PTPRN2: variants seen among roughly 807,000 people sequenced by gnomAD.
PTPRN2 encodes protein tyrosine phosphatase receptor type N2.
In PTPRN2, 74 loss-of-function variants were observed where a neutral mutation model predicts 118.8. The observed-to-expected ratio is 0.62, with a 90% confidence interval of 0.52 to 0.76. The LOEUF (loss-of-function observed/expected upper bound fraction) is 0.76. PTPRN2 is among the 30% of genes least tolerant of loss of function. PTPRN2 has a pLI of 0.00. For synonymous variants in PTPRN2, 641 were observed against 608.0 expected, an observed-to-expected ratio of 1.05 and a Z score of -0.80; for missense variants, 1,481 against 1,394.4, an observed-to-expected ratio of 1.06 and a Z score of -0.99.
At chr7:157,577,769 C>T (rs1368642101) in intron 18 of PTPRN2, among the ~76,000 whole-genome samples, 1 of 152,162 alleles carries the variant, frequency 6.6e-6, no homozygotes, top group East Asian at 1.9e-4. Flanking sequence ...AGCACACAGC[C>T]GTGTGAACCA....
At chr7:157,577,181 A>G (rs1450775826) in intron 18 of PTPRN2, among the ~76,000 whole-genome samples, 1 of 152,192 alleles carries the variant, frequency 6.6e-6, no homozygotes, top group East Asian at 1.9e-4. Context: ...GTTCCACTCT[A>G]AGTGAGACTC....
intron 12 of PTPRN2, among the ~76,000 whole-genome samples, chr7:157,892,002 G>A (rs1340172451): frequency 6.6e-6 from 1 of 152,200 alleles, no homozygotes; most frequent in Non-Finnish European, 1.5e-5. Flanking sequence ...GCTCTGCTGA[G>A]ACTCAGGGTC....
At chr7:157,548,054 A>G (rs1249375814) in intron 22 of PTPRN2, among the ~76,000 whole-genome samples, 1 of 152,048 alleles carries the variant, frequency 6.6e-6, no homozygotes, top group Non-Finnish European at 1.5e-5. Context: ...ACATTTGGGG[A>G]AACTTGGTGG....
At chr7:157,613,756 C>T (rs1377140294) in intron 15 of PTPRN2, among the ~76,000 whole-genome samples, 1 of 152,352 alleles carries the variant, frequency 6.6e-6, no homozygotes, top group Middle Eastern at 3.4e-3. Flanking sequence ...AACCTGCACC[C>T]GCGGCAGCCT....
intron 11 of PTPRN2, among the ~76,000 whole-genome samples, chr7:158,032,082 C>G (rs951629675): frequency 9.2e-5 from 14 of 152,242 alleles, no homozygotes; most frequent in Non-Finnish European, 1.8e-4. Context: ...TGCTCAGGCC[C>G]CGGCATTCCA....
At chr7:157,719,157 T>C (rs1382887365) in intron 12 of PTPRN2, among the ~76,000 whole-genome samples, 1 of 152,096 alleles carries the variant, frequency 6.6e-6, no homozygotes, top group African/African-American at 2.4e-5. Context: ...GGAAGCCCCA[T>C]GAGAGGGTCC....
At chr7:158,072,416 G>A (rs1812014264) in intron 11 of PTPRN2, among the ~76,000 whole-genome samples, 1 of 152,142 alleles carries the variant, frequency 6.6e-6, no homozygotes, top group African/African-American at 2.4e-5. Context: ...AAAGTGCAAA[G>A]AATCAGATGC....
intron 12 of PTPRN2, among the ~76,000 whole-genome samples, chr7:157,796,593 A>AT (rs1045970085): frequency 6.6e-6 from 1 of 152,216 alleles, no homozygotes; most frequent in African/African-American, 2.4e-5. Flanking sequence ...TCCATTCTCC[A>AT]TGGCTACAAA....
chr7:157,690,779 G>C lies in PTPRN2; in HGVS notation c.1789-7842C>G, dbSNP rs1006563111. 2.1e-4 allele frequency among the ~76,000 whole-genome samples: 32 copies of C among 150,654 alleles called. No individual in the cohort carries two copies. The highest frequency in any genetic ancestry group is 7.5e-4 in the African/African-American group (31 of 41,262). On this transcript the variant is annotated intron_variant, in intron 12 of 22. Coordinates refer to ENST00000389418, the MANE Select transcript of PTPRN2 (RefSeq NM_002847.5). The surrounding 1 kb of genome is among the most constrained non-coding windows in gnomAD (Gnocchi z 7.1). ...CGCGCGTCGCTGCTCCAGCAGCAGC[G>C]GCTGCGCGGCGGCACGGGCTCGGAG...
chr7:157,824,607 G>T (rs1438885401), intron 12 of PTPRN2, among the ~76,000 whole-genome samples: 2 of 152,224 alleles, frequency 1.3e-5, no homozygotes, highest in Admixed American at 6.5e-5. Context: ...GCAAAATAGG[G>T]AATGGAGGCT....
intron 2 of PTPRN2, among the ~76,000 whole-genome samples, chr7:158,321,170 G>C (rs1018937030): frequency 1.3e-5 from 2 of 152,138 alleles, no homozygotes; most frequent in African/African-American, 4.8e-5. Flanking sequence ...GCTCCCACCA[G>C]TCCAGGCTGA....
intron 21 of PTPRN2, among the ~76,000 whole-genome samples, chr7:157,567,328 G>A (rs1041951057): frequency 6.6e-6 from 1 of 152,280 alleles, no homozygotes; most frequent in Middle Eastern, 3.4e-3. Flanking sequence ...CTAATCTTGG[G>A]TGTTTAAAAT....
chr7:158,072,838 G>T (rs140860674), intron 11 of PTPRN2, among the ~76,000 whole-genome samples: 1 of 152,304 alleles, frequency 6.6e-6, no homozygotes, highest in South Asian at 2.1e-4. Flanking sequence ...CGGGCTGGCG[G>T]AACATAATTT....
At chr7:157,867,724 C>T (rs1810797980) in intron 12 of PTPRN2, among the ~76,000 whole-genome samples, 1 of 152,232 alleles carries the variant, frequency 6.6e-6, no homozygotes, top group Admixed American at 6.5e-5. Context: ...GATGGAAAGA[C>T]TGGAAAAGTC....
In PTPRN2 at chr7:157,874,986, C is replaced by T. The variant is rs1260616811; in HGVS notation, c.1788+23687G>A. The stretch of plus-strand genomic sequence containing the variant: ...ACATACACAGAGACACAGGCACACA[C>T]AGGCAGACGCAAACGTGCATGCACA... On this transcript the variant is annotated intron_variant, in intron 12 of 22. Transcript: ENST00000389418. The surrounding 1 kb of genome is among the most constrained non-coding windows in gnomAD (Gnocchi z 5.8). Among the ~76,000 whole-genome samples the T allele has an allele frequency of 1.3e-5, 2 of 151,918 alleles. No individual in the cohort carries two copies. The highest frequency in any genetic ancestry group is 6.6e-5 in the Admixed American group (1 of 15,266).
intron 12 of PTPRN2, among the ~76,000 whole-genome samples, chr7:157,698,798 A>G (rs754865664): frequency 6.6e-6 from 1 of 152,220 alleles, no homozygotes; most frequent in Non-Finnish European, 1.5e-5. Context: ...TAATGCCATA[A>G]GGCACGTATT....
At chr7:158,578,785 CAG>C in intron 1 of PTPRN2, among the ~76,000 whole-genome samples, 1 of 151,646 alleles carries the variant, frequency 6.6e-6, no homozygotes, top group South Asian at 2.1e-4. Flanking sequence ...GTTGTTGAGA[CAG>C]AGTCTCCCTC....
At chr7:158,055,394 G>A (rs931877083) in intron 11 of PTPRN2, among the ~76,000 whole-genome samples, 11 of 152,242 alleles carry the variant, frequency 7.2e-5, no homozygotes, top group East Asian at 3.9e-4. Context: ...AAAAACACCC[G>A]CTACTTAGCA....
intron 9 of PTPRN2, among the ~76,000 whole-genome samples, chr7:158,130,527 C>T (rs79157780): frequency 0.036 from 5,410 of 150,622 alleles, 368 homozygotes; most frequent in African/African-American, 0.12. Flanking sequence ...TACACACACA[C>T]GTACATACAG....
Sources: allele counts gnomAD v4.1 joint callset (sites outside exome capture counted in the v4.1 genomes callset), GRCh38; gene constraint gnomAD v4.1.1; non-coding constraint Gnocchi (gnomAD v3.1); transcripts MANE v1.5; gene names NCBI Gene and HGNC (gene_info 2026-07-23, HGNC 2026-07-21).